KCTD1: variants seen among roughly 807,000 people sequenced by gnomAD.
KCTD1 encodes the protein BTB/POZ domain-containing protein KCTD1.
KCTD1 carries 24 observed loss-of-function variants against 66.0 expected under a neutral mutation model. The observed-to-expected ratio is 0.36, with a 90% CI of 0.26 to 0.51. KCTD1 has a LOEUF of 0.51. Ranked by LOEUF, KCTD1 falls within the 20% of genes least tolerant of loss-of-function variation. The pLI, the probability that KCTD1 is intolerant of heterozygous loss-of-function variation, is 0.95. For synonymous variants in KCTD1, 511 were observed against 517.2 expected, an observed-to-expected ratio of 0.99 and a Z score of 0.16; for missense variants, 943 against 1,205.2, an observed-to-expected ratio of 0.78 and a Z score of 3.22.
intron 1 of KCTD1, among the ~76,000 whole-genome samples, chr18:26,524,270 G>T (rs1437147799): frequency 6.6e-6 from 1 of 152,110 alleles, no homozygotes; most frequent in East Asian, 1.9e-4. Context: ...AGGTGAAGGC[G>T]CCAAGGAGCA....
chr18:26,463,832 C>T (rs529808411), intron 3 of KCTD1, among the ~76,000 whole-genome samples: 26 of 152,318 alleles, frequency 1.7e-4, no homozygotes, highest in African/African-American at 5.1e-4. Context: ...CCACCACGCC[C>T]GGCCTGAATA....
chr18:26,562,986 C>T (rs575644357), intron 1 of KCTD1, among the ~76,000 whole-genome samples: 12 of 152,164 alleles, frequency 7.9e-5, no homozygotes, highest in Admixed American at 6.5e-4. Flanking sequence ...AACACAGTTC[C>T]GTCCGCAACA....
chr18:26,596,409 A>G (rs1025789359), intron 1 of KCTD1, among the ~76,000 whole-genome samples: 2 of 152,246 alleles, frequency 1.3e-5, no homozygotes, highest in African/African-American at 4.8e-5. Context: ...TGGACTTTCC[A>G]TCCTCTAGAA....
At position 26,600,497 on chromosome 18, in the gene KCTD1, G is replaced by GC. The variant is rs1189768351; in HGVS notation, c.-16+28649_-16+28650insG. Among the ~76,000 whole-genome samples, 10 of 152,088 alleles carry GC rather than the reference G, an allele frequency of 6.6e-5. No homozygotes were observed. In the South Asian group the frequency reaches 1.9e-3, roughly 28 times the overall value. On this transcript the variant is annotated intron_variant, in intron 1 of 4. Transcript: ENST00000317932. ...AGACAGAGTGAAGCTGGCTGGGGGG[G>GC]GTGCAGTGGTGTGTAGTGCTGCTGT...
At chr18:26,537,573 T>G (rs185580302) in intron 1 of KCTD1, among the ~76,000 whole-genome samples, 1 of 152,346 alleles carries the variant, frequency 6.6e-6, no homozygotes, top group African/African-American at 2.4e-5. Flanking sequence ...ACCTCAACTT[T>G]AAGTGGCATT....
intron 1 of KCTD1, among the ~76,000 whole-genome samples, chr18:26,539,206 T>C (rs1432674078): frequency 6.6e-6 from 1 of 152,224 alleles, no homozygotes; most frequent in Non-Finnish European, 1.5e-5. Flanking sequence ...TACTTACCAG[T>C]TGTTAGGGCT....
rs373306950 is a variant in KCTD1, at chr18:26,462,755, C to A, written c.2134-2830G>T. The stretch of plus-strand genomic sequence containing the variant: ...TCCCATTGGCTACTGTCTTTAGAAA[C>A]CTTTCCTTCCTTAAATGGGATCATT... On this transcript the variant is annotated intron_variant, in intron 3 of 4. Transcript: ENST00000580059. 9.3e-4 allele frequency among the ~76,000 whole-genome samples: 141 copies of A among 152,306 alleles called. 1 individual carries two copies. The highest frequency in any genetic ancestry group is 3.3e-3 in the African/African-American group (136 of 41,564).
chr18:26,529,557 G>A (rs1205549649), intron 1 of KCTD1, among the ~76,000 whole-genome samples: 3 of 152,166 alleles, frequency 2.0e-5, no homozygotes, highest in Non-Finnish European at 4.4e-5. Flanking sequence ...TTAAAACAGA[G>A]TAAATCCCAA....
At chr18:26,570,191 A>AATATAT (rs1555643817) in intron 1 of KCTD1, among the ~76,000 whole-genome samples, 2 of 132,544 alleles carry the variant, frequency 1.5e-5, no homozygotes, top group African/African-American at 2.7e-5. Context: ...ATCTAAAAAA[A>AATATAT]ATATATATAT....
chr18:26,583,720 T>G (rs1433627712), intron 1 of KCTD1, among the ~76,000 whole-genome samples: 2 of 152,250 alleles, frequency 1.3e-5, no homozygotes, highest in African/African-American at 4.8e-5. Flanking sequence ...AATGAGTTAT[T>G]TCAGCTATCG....
chr18:26,548,223 AG>A lies in KCTD1; in HGVS notation c.313del (p.Leu105TrpfsTer18). 2 of 1,508,588 alleles carry A rather than the reference AG, an allele frequency of 1.3e-6. No homozygotes were observed. The highest frequency in any genetic ancestry group is 1.8e-6 in the Non-Finnish European group (2 of 1,132,326). 93.5% of individuals were successfully genotyped at this position (1,508,588 alleles called of 1,614,324 possible). ...CTCCCCGGCCGAGTCCTCGGGCTCC[AG>A]GGGCTCGTCCCAGTCCAGCCCCATC... ...EEMGLDWDEP[L>X]EPEDSAGEEL... On this transcript the variant is annotated frameshift_variant, in exon 1 of 5. Transcript: ENST00000580059. LOFTEE classifies it high-confidence loss of function.
At chr18:26,461,043 T>C (rs915325239) in intron 3 of KCTD1, among the ~76,000 whole-genome samples, 1 of 152,250 alleles carries the variant, frequency 6.6e-6, no homozygotes, top group African/African-American at 2.4e-5. Flanking sequence ...AGTGCCTGCA[T>C]GACAGCCAAT....
intron 1 of KCTD1, among the ~76,000 whole-genome samples, chr18:26,559,683 T>C (rs1396092086): frequency 6.6e-6 from 1 of 152,158 alleles, no homozygotes; most frequent in Non-Finnish European, 1.5e-5. Flanking sequence ...TCAGAATCTT[T>C]TTTATGGCTC....
chr18:26,554,731 T>C (rs541450719), intron 1 of KCTD1, among the ~76,000 whole-genome samples: 2 of 152,228 alleles, frequency 1.3e-5, no homozygotes, highest in Non-Finnish European at 2.9e-5. Context: ...ATTCTAGGTC[T>C]TTCCACCTAA....
At position 26,548,355 on chromosome 18, in the gene KCTD1, TC is replaced by T; in HGVS notation, c.181del (p.Glu61ArgfsTer11). On this transcript the variant is annotated frameshift_variant, in exon 1 of 5. Transcript: ENST00000580059. LOFTEE classifies it high-confidence loss of function. ...CACCTCCTGGATCTCGTCCTCCTCC[TC>T]CTCTTCCTCCTCCTCCTCGCCCGCG... The part of the protein sequence containing the change: ...CSAGEEEEEE[E>X]EEDEIQEVQI... The T allele has an allele frequency of 6.7e-7, 1 of 1,484,718 alleles. No individual in the cohort carries two copies. The highest frequency in any genetic ancestry group is 8.9e-7 in the Non-Finnish European group (1 of 1,119,084). The allele number at this position is 1,484,718 out of a possible 1,614,324, so 92.0% of individuals were successfully genotyped here. A position where few individuals can be genotyped will look rare whatever the true frequency, so the allele number is the denominator to read the frequency against.
upstream of KCTD1, among the ~76,000 whole-genome samples, chr18:26,642,010 G>C (rs150343836): frequency 1.3e-5 from 2 of 152,076 alleles, no homozygotes; most frequent in African/African-American, 4.8e-5. Context: ...ACTACATGCC[G>C]GGCACTATGC....
intron 1 of KCTD1, chr18:26,599,712 T>A: frequency 6.5e-7 from 1 of 1,529,194 alleles, no homozygotes; most frequent in African/African-American, 1.4e-5. Flanking sequence ...GAGACAGCTG[T>A]AGATAACAAT....
Position 26,529,298 on chromosome 18 carries a change from C to T in KCTD1, c.1809+17430G>A, listed in dbSNP as rs571356483. ...TCCACTCAAAACCCTTCCATGACTGCCCTGCCTATAAGATGAGGCTTGAAA... is the reference window on the plus strand; with the variant it reads ...TCCACTCAAAACCCTTCCATGACTGTCCTGCCTATAAGATGAGGCTTGAAA... On this transcript the variant is annotated intron_variant, in intron 1 of 4. Transcript: ENST00000580059. Among the ~76,000 whole-genome samples the T allele has an allele frequency of 5.3e-5, 8 of 152,316 alleles. No homozygotes were observed. The East Asian group carries it at 1.5e-3, about 29-fold the overall frequency.
At chr18:26,597,586 C>T (rs932921517) in intron 1 of KCTD1, among the ~76,000 whole-genome samples, 2 of 151,412 alleles carry the variant, frequency 1.3e-5, no homozygotes, top group African/African-American at 4.9e-5. Context: ...TGCTTCCTAA[C>T]TCTTTCCACT....
Sources: gnomAD v4.1 joint callset for allele counts (sites outside exome capture counted in the v4.1 genomes callset) on GRCh38, gnomAD v4.1.1 for gene constraint, MANE v1.5 for transcripts, NCBI Gene and HGNC (gene_info 2026-07-23, HGNC 2026-07-21) for gene names.